RALGPS1: variants seen among roughly 807,000 people sequenced by gnomAD.
The protein encoded by RALGPS1 is ras-specific guanine nucleotide-releasing factor RalGPS1.
A neutral mutation model predicts 78.8 loss-of-function variants in RALGPS1; 19 were observed. The ratio of observed to expected loss-of-function variants is 0.24; its 90% confidence interval spans 0.17 to 0.35. The LOEUF (loss-of-function observed/expected upper bound fraction) is 0.35. RALGPS1 is among the 10% of genes least tolerant of loss of function. The pLI, the probability that RALGPS1 is intolerant of heterozygous loss-of-function variation, is 1.00. For synonymous variants in RALGPS1, 228 were observed against 256.3 expected (o/e 0.89, Z 1.06); for missense variants, 454 against 688.3 (o/e 0.66, Z 3.81).
At chr9:127,147,526 A>G (rs967102780) in intron 8 of RALGPS1, among the ~76,000 whole-genome samples, 1 of 152,192 alleles carries the variant, frequency 6.6e-6, no homozygotes, top group African/African-American at 2.4e-5. Context: ...ACATTTAAAT[A>G]TTTGATACAT....
intron 8 of RALGPS1, among the ~76,000 whole-genome samples, chr9:127,109,143 A>G (rs953723965): frequency 2.6e-5 from 4 of 152,110 alleles, no homozygotes; most frequent in African/African-American, 9.7e-5. Flanking sequence ...AGGCAGAGGG[A>G]GGGTTTTCTG....
chr9:127,085,721 A>G (rs944791625), intron 8 of RALGPS1, among the ~76,000 whole-genome samples: 23 of 152,278 alleles, frequency 1.5e-4, no homozygotes, highest in African/African-American at 4.3e-4. Flanking sequence ...GTGTCCAGCA[A>G]TGGCTTTCCA....
chr9:127,059,246 C>A (rs2048999904), intron 7 of RALGPS1, among the ~76,000 whole-genome samples: 2 of 152,070 alleles, frequency 1.3e-5, no homozygotes, highest in African/African-American at 4.8e-5. Context: ...GGTGATAGGC[C>A]TGAGCTGCTT....
At chr9:127,092,103 C>T (rs2052555975) in intron 8 of RALGPS1, among the ~76,000 whole-genome samples, 1 of 152,182 alleles carries the variant, frequency 6.6e-6, no homozygotes, top group Non-Finnish European at 1.5e-5. Context: ...CTCTCCATGA[C>T]TCACACATTA....
intron 8 of RALGPS1, among the ~76,000 whole-genome samples, chr9:127,112,849 A>G (rs2054983866): frequency 6.6e-6 from 1 of 152,258 alleles, no homozygotes. Context: ...TAATGCTTGC[A>G]CAGGGCTTTA....
intron 4 of RALGPS1, among the ~76,000 whole-genome samples, chr9:127,012,529 A>G (rs967684895): frequency 6.6e-6 from 1 of 152,124 alleles, no homozygotes; most frequent in Non-Finnish European, 1.5e-5. Flanking sequence ...CCCGGGTGAC[A>G]CCACAAGGTG....
At chr9:126,923,342 G>T (rs2034952409) in intron 1 of RALGPS1, among the ~76,000 whole-genome samples, 1 of 152,178 alleles carries the variant, frequency 6.6e-6, no homozygotes, top group Non-Finnish European at 1.5e-5. Context: ...AGAAGCTGAG[G>T]GTCCTAACGC....
At chr9:127,144,251 A>G (rs1315485669) in intron 8 of RALGPS1, among the ~76,000 whole-genome samples, 1 of 152,174 alleles carries the variant, frequency 6.6e-6, no homozygotes, top group Non-Finnish European at 1.5e-5. Flanking sequence ...CCCACCCAGC[A>G]TTAGCTCCTG....
In RALGPS1 at chr9:127,183,027, A is replaced by AAG. The variant is rs1460357430; in HGVS notation, c.910+8249_910+8250dup. Reference sequence around the variant, plus strand: ...CATGTCACATGGTGAGAGCAGAAGCAAGAGATTCAGGGGTGAGGAGAGGCA... The same window carrying AAG: ...CATGTCACATGGTGAGAGCAGAAGCAAGAGAGATTCAGGGGTGAGGAGAGGCA... On this transcript the variant is annotated intron_variant, in intron 11 of 18. Coordinates refer to ENST00000259351, the MANE Select transcript of RALGPS1 (RefSeq NM_014636.3). This position sits in a 1 kb window ranked among gnomAD's most constrained non-coding sequence, Gnocchi z 4.0. 6.6e-6 allele frequency among the ~76,000 whole-genome samples: 1 copy of AAG among 152,188 alleles called. No individual in the cohort carries two copies. Among genetic ancestry groups the AAG allele is most frequent in the African/African-American group, 2.4e-5 (1 of 41,450 alleles).
intron 8 of RALGPS1, among the ~76,000 whole-genome samples, chr9:127,119,073 A>T (rs376147054): frequency 8.0e-5 from 12 of 149,814 alleles, no homozygotes; most frequent in African/African-American, 3.1e-4. Flanking sequence ...TGAGCTGGGG[A>T]CAGAGTTTCC....
At chr9:127,184,214 C>A in intron 11 of RALGPS1, 1 of 649,332 alleles carries the variant, frequency 1.5e-6, no homozygotes, top group Non-Finnish European at 2.6e-6. Context: ...AGCCCCAGCT[C>A]CTCAGGGCTT....
intron 8 of RALGPS1, among the ~76,000 whole-genome samples, chr9:127,142,981 C>T (rs2057880441): frequency 6.6e-6 from 1 of 152,158 alleles, no homozygotes; most frequent in Admixed American, 6.5e-5. Context: ...AACTGTATAA[C>T]AATGCTGTAA....
At chr9:127,087,334 TAG>T (rs879521892) in intron 8 of RALGPS1, 3 of 152,540 alleles carry the variant, frequency 2.0e-5, no homozygotes, top group Admixed American at 1.3e-4. Flanking sequence ...ACACAGAGTG[TAG>T]ATACATCCAA....
intron 8 of RALGPS1, among the ~76,000 whole-genome samples, chr9:127,077,248 A>C (rs937137463): frequency 6.6e-6 from 1 of 152,198 alleles, no homozygotes; most frequent in Non-Finnish European, 1.5e-5. Flanking sequence ...GGGATCCTGT[A>C]GAAGCCTGTG....
intron 8 of RALGPS1, among the ~76,000 whole-genome samples, chr9:127,098,779 C>A (rs997618253): frequency 6.6e-6 from 1 of 152,184 alleles, no homozygotes; most frequent in Non-Finnish European, 1.5e-5. Context: ...ACTCCCAACA[C>A]AGGGCCTTTC....
At chr9:127,008,137 G>C (rs941430151) in intron 4 of RALGPS1, among the ~76,000 whole-genome samples, 33 of 91,824 alleles carry the variant, frequency 3.6e-4, no homozygotes, top group African/African-American at 9.0e-4. Flanking sequence ...TTGGGAGACT[G>C]GTCAAAAAAA....
Position 127,186,516 on chromosome 9 carries a change from G to A in RALGPS1, c.911-8575G>A, listed in dbSNP as rs190516213. ...GCGGTCCCAGAAGACACGTGTCCCT[G>A]GTGCTGTCACGTGGTGGCCACCCCA... On this transcript the variant is annotated intron_variant, in intron 11 of 18. Coordinates refer to ENST00000259351, the MANE Select transcript of RALGPS1 (RefSeq NM_014636.3). 2.4e-3 allele frequency among the ~76,000 whole-genome samples: 368 copies of A among 152,350 alleles called. 3 individuals carry two copies. The highest frequency in any genetic ancestry group is 8.4e-3 in the African/African-American group (350 of 41,582).
chr9:127,055,228 G>A (rs2048644492), intron 7 of RALGPS1, among the ~76,000 whole-genome samples: 1 of 152,116 alleles, frequency 6.6e-6, no homozygotes, highest in African/African-American at 2.4e-5. Context: ...CTGTCTGTCT[G>A]TCTGTCTGTC....
chr9:126,946,065 G>A (rs1221735252), intron 1 of RALGPS1, among the ~76,000 whole-genome samples: 1 of 152,198 alleles, frequency 6.6e-6, no homozygotes, highest in African/African-American at 2.4e-5. Flanking sequence ...AGGCTTTCAC[G>A]GTAGATGGGA....
Sources: allele counts gnomAD v4.1 joint callset (sites outside exome capture counted in the v4.1 genomes callset), GRCh38; gene constraint gnomAD v4.1.1; non-coding constraint Gnocchi (gnomAD v3.1); transcripts MANE v1.5; gene names NCBI Gene and HGNC (gene_info 2026-07-23, HGNC 2026-07-21).